KCNMB2: variants seen among roughly 807,000 people sequenced by gnomAD.
The protein encoded by KCNMB2 is potassium calcium-activated channel subfamily M regulatory beta subunit 2.
KCNMB2 carries 9 observed loss-of-function variants against 24.5 expected under a neutral mutation model. The observed-to-expected ratio is 0.37, with a 90% CI of 0.22 to 0.64. The LOEUF (loss-of-function observed/expected upper bound fraction) is 0.64, where lower values mean the gene tolerates loss of function less well. KCNMB2 is among the 30% of genes least tolerant of loss of function. The probability of loss-of-function intolerance (pLI) is 0.63; values close to 1 mark genes in which losing one functional copy is unlikely to be tolerated. For synonymous variants in KCNMB2, 109 were observed against 104.4 expected, an observed-to-expected ratio of 1.04 and a Z score of -0.27; for missense variants, 226 against 284.3, an observed-to-expected ratio of 0.79 and a Z score of 1.47.
intron 1 of KCNMB2, among the ~76,000 whole-genome samples, chr3:178,794,872 T>G (rs1284008041): frequency 6.6e-6 from 1 of 152,124 alleles, no homozygotes. Context: ...AGGGGACAAA[T>G]GAGGCCACAT....
intron 1 of KCNMB2, among the ~76,000 whole-genome samples, chr3:178,668,970 C>T (rs1210730023): frequency 6.6e-6 from 1 of 152,116 alleles, no homozygotes; most frequent in Non-Finnish European, 1.5e-5. Flanking sequence ...CCAATTCATC[C>T]AATTCATAAA....
In KCNMB2 at chr3:178,824,290, T is replaced by C. The variant is rs187529859; in HGVS notation, c.57-1298T>C. 2.0e-5 allele frequency among the ~76,000 whole-genome samples: 3 copies of C among 152,352 alleles called. No homozygotes were observed. The East Asian group carries it at 5.8e-4, about 29-fold the overall frequency. Reference sequence around the variant, plus strand: ...TAGAATAGTAGCAATTTTAGGATGTTCTGATGTCCGTGTCATTGAGCTGTA... The same window carrying C: ...TAGAATAGTAGCAATTTTAGGATGTCCTGATGTCCGTGTCATTGAGCTGTA... On this transcript the variant is annotated intron_variant, in intron 2 of 4. Transcript: ENST00000452583.
chr3:178,572,046 A>T (rs188717588), intron 1 of KCNMB2, among the ~76,000 whole-genome samples: 125 of 152,260 alleles, frequency 8.2e-4, no homozygotes, highest in African/African-American at 3.0e-3. Context: ...CAAGTGTAAG[A>T]TTTATTTTTT....
At chr3:178,575,638 T>A (rs1716962448) in intron 1 of KCNMB2, among the ~76,000 whole-genome samples, 1 of 152,178 alleles carries the variant, frequency 6.6e-6, no homozygotes, top group African/African-American at 2.4e-5. Flanking sequence ...CACAGGATCA[T>A]AATCATTACC....
At chr3:178,834,765 C>T (rs941968545) in intron 4 of KCNMB2, among the ~76,000 whole-genome samples, 1 of 152,052 alleles carries the variant, frequency 6.6e-6, no homozygotes, top group Non-Finnish European at 1.5e-5. Context: ...GCCTGTAGAC[C>T]ATAGATTCAG....
At chr3:178,817,086 G>A (rs895634277) in intron 2 of KCNMB2, among the ~76,000 whole-genome samples, 1 of 151,756 alleles carries the variant, frequency 6.6e-6, no homozygotes, top group Admixed American at 6.6e-5. Context: ...CCATAATTTT[G>A]TTCTCACTTT....
chr3:178,837,932 C>A (rs1715292127), intron 4 of KCNMB2, among the ~76,000 whole-genome samples: 1 of 152,122 alleles, frequency 6.6e-6, no homozygotes, highest in Admixed American at 6.5e-5. Context: ...GGAAAAACTT[C>A]ACTTTCAATG....
intron 1 of KCNMB2, among the ~76,000 whole-genome samples, chr3:178,791,497 A>G (rs1713322361): frequency 6.6e-6 from 1 of 152,246 alleles, no homozygotes; most frequent in Non-Finnish European, 1.5e-5. Flanking sequence ...AAATAGCCCC[A>G]AAAGGGCAAA....
intron 1 of KCNMB2, among the ~76,000 whole-genome samples, chr3:178,775,210 A>T (rs907464944): frequency 5.9e-5 from 9 of 152,184 alleles, no homozygotes; most frequent in African/African-American, 1.9e-4. Context: ...TCACTGCCAA[A>T]TCATAAATTA....
intron 2 of KCNMB2, among the ~76,000 whole-genome samples, chr3:178,808,346 T>C (rs1714061113): frequency 6.6e-6 from 1 of 152,230 alleles, no homozygotes; most frequent in Non-Finnish European, 1.5e-5. Flanking sequence ...ACCAGCATAT[T>C]GCAATGTAAG....
chr3:178,616,226 T>C (rs772276594), intron 1 of KCNMB2, among the ~76,000 whole-genome samples: 2 of 150,472 alleles, frequency 1.3e-5, no homozygotes, highest in Non-Finnish European at 1.5e-5. Flanking sequence ...CTGAGCCTAG[T>C]TTGTCATTAG....
At chr3:178,768,795 C>T (rs183698007) in intron 1 of KCNMB2, among the ~76,000 whole-genome samples, 2 of 152,174 alleles carry the variant, frequency 1.3e-5, no homozygotes, top group Non-Finnish European at 2.9e-5. Flanking sequence ...CCCACATAAA[C>T]AATAAAAGTA....
rs1355278575 is a variant in KCNMB2, at chr3:178,649,636, G to T, written c.-68+112925G>T. Among the ~76,000 whole-genome samples the T allele has an allele frequency of 1.3e-5, 2 of 151,922 alleles. 1 individual carries two copies. The highest frequency in any genetic ancestry group is 2.9e-5 in the Non-Finnish European group (2 of 67,996). On this transcript the variant is annotated intron_variant, in intron 1 of 4. Coordinates refer to ENST00000452583, the MANE Select transcript of KCNMB2 (RefSeq NM_181361.3). ...TCCAAGAATGTATCCATTTCTTCTA[G>T]ATTTTCTAGTTTATTTGAGTAGAGG...
chr3:178,591,375 C>T (rs1717667714), intron 1 of KCNMB2, among the ~76,000 whole-genome samples: 1 of 151,874 alleles, frequency 6.6e-6, no homozygotes, highest in Non-Finnish European at 1.5e-5. Flanking sequence ...GGGGCTCATT[C>T]TGTCTTTTTC....
chr3:178,586,538 C>CGTTTTTTTTTTTTTTTTTTTT (rs1313147122), intron 1 of KCNMB2, among the ~76,000 whole-genome samples: 2 of 68,500 alleles, frequency 2.9e-5, no homozygotes, highest in African/African-American at 1.1e-4. Flanking sequence ...TTTTTTCTTT[C>CGTTTTTTTTTTTTTTTTTTTT]TTTTTTTTTT....
At chr3:178,755,540 G>A (rs985633889) in intron 1 of KCNMB2, among the ~76,000 whole-genome samples, 1 of 152,110 alleles carries the variant, frequency 6.6e-6, no homozygotes, top group African/African-American at 2.4e-5. Context: ...TATCAAGCAG[G>A]TAAAACAAAA....
chr3:178,768,993 T>C (rs1294188395), intron 1 of KCNMB2, among the ~76,000 whole-genome samples: 2 of 152,196 alleles, frequency 1.3e-5, no homozygotes, highest in African/African-American at 2.4e-5. Context: ...AGCTGTCTAA[T>C]GTCCAAAGCA....
intron 1 of KCNMB2, among the ~76,000 whole-genome samples, chr3:178,743,062 G>C (rs907058806): frequency 2.6e-5 from 4 of 152,136 alleles, no homozygotes; most frequent in Non-Finnish European, 4.4e-5. Flanking sequence ...TCCTAGAAGG[G>C]AAAGTAAAGG....
intron 2 of KCNMB2, among the ~76,000 whole-genome samples, chr3:178,807,898 C>G (rs1459460940): frequency 6.6e-6 from 1 of 150,938 alleles, no homozygotes; most frequent in African/African-American, 2.4e-5. Context: ...ATTTTATTAA[C>G]AACAAAAAAT....
Sources: allele counts gnomAD v4.1 joint callset (sites outside exome capture counted in the v4.1 genomes callset), GRCh38; gene constraint gnomAD v4.1.1; transcripts MANE v1.5; gene names NCBI Gene and HGNC (gene_info 2026-07-23, HGNC 2026-07-21).